Variants in EFCAB5 observed in about 807,000 individuals in gnomAD.
The protein encoded by EFCAB5 is EF-hand calcium binding domain 5.
A neutral mutation model predicts 167.9 loss-of-function variants in EFCAB5; 131 were observed. The ratio of observed to expected loss-of-function variants is 0.78; its 90% confidence interval spans 0.68 to 0.90. The LOEUF (loss-of-function observed/expected upper bound fraction) is 0.90, where lower values mean the gene tolerates loss of function less well. EFCAB5 is among the 40% of genes least tolerant of loss of function. The probability of loss-of-function intolerance (pLI) is 0.00; values close to 1 mark genes in which losing one functional copy is unlikely to be tolerated. For missense variants in EFCAB5, 1,663 were observed against 1,745.2 expected, an observed-to-expected ratio of 0.95 and a Z score of 0.84; for synonymous variants, 574 against 602.8, an observed-to-expected ratio of 0.95 and a Z score of 0.70.
At chr17:29,973,526 C>T (rs2049193672) in intron 4 of EFCAB5, among the ~76,000 whole-genome samples, 1 of 146,688 alleles carries the variant, frequency 6.8e-6, no homozygotes, top group Non-Finnish European at 1.5e-5. Flanking sequence ...GTCACCCAGG[C>T]CGGAGTGCAG....
intron 14 of EFCAB5, among the ~76,000 whole-genome samples, chr17:30,065,411 C>A (rs1240375522): frequency 6.6e-6 from 1 of 152,174 alleles, no homozygotes; most frequent in Non-Finnish European, 1.5e-5. Context: ...TGCCTGTAAT[C>A]CCAGCATTTC....
intron 3 of EFCAB5, among the ~76,000 whole-genome samples, chr17:29,944,241 A>G (rs1411817277): frequency 5.9e-5 from 9 of 151,832 alleles, no homozygotes; most frequent in Admixed American, 1.3e-4. Context: ...TCACCTAGCT[A>G]GTTTTTTATT....
intron 19 of EFCAB5, among the ~76,000 whole-genome samples, chr17:30,089,982 A>C (rs938035577): frequency 1.3e-5 from 2 of 152,152 alleles, no homozygotes; most frequent in African/African-American, 2.4e-5. Context: ...TCTCCAGCGA[A>C]CACTCGCTCA....
intron 7 of EFCAB5, among the ~76,000 whole-genome samples, chr17:30,012,422 T>C (rs1191087889): frequency 6.6e-6 from 1 of 152,144 alleles, no homozygotes; most frequent in East Asian, 1.9e-4. Context: ...AGCAAATTAG[T>C]GAAAGTACTA....
At chr17:29,999,008 C>T (rs2068605016) in intron 6 of EFCAB5, among the ~76,000 whole-genome samples, 1 of 151,690 alleles carries the variant, frequency 6.6e-6, no homozygotes, top group Admixed American at 6.6e-5. Context: ...TGATTTTTTT[C>T]TTCTATTTTT....
intron 3 of EFCAB5, chr17:29,968,462 T>C (rs918476375): frequency 5.6e-6 from 2 of 359,210 alleles, no homozygotes; most frequent in Non-Finnish European, 1.1e-5. Context: ...CTTTGTCCTC[T>C]ATGCTTTTTT....
intron 8 of EFCAB5, among the ~76,000 whole-genome samples, chr17:30,042,630 G>T (rs1326988359): frequency 6.6e-6 from 1 of 152,008 alleles, no homozygotes; most frequent in East Asian, 1.9e-4. Context: ...GTATAAAGAA[G>T]TATAATTAAT....
At chr17:29,988,397 G>A (rs2068335854) in intron 4 of EFCAB5, among the ~76,000 whole-genome samples, 1 of 152,202 alleles carries the variant, frequency 6.6e-6, no homozygotes, top group African/African-American at 2.4e-5. Flanking sequence ...ATTAAAAGCA[G>A]TCAATACCTC....
chr17:30,043,850 C>T (rs936766282), intron 8 of EFCAB5, among the ~76,000 whole-genome samples: 1 of 152,206 alleles, frequency 6.6e-6, no homozygotes, highest in Admixed American at 6.5e-5. Flanking sequence ...TCCCAGTGAA[C>T]TTATTTACAG....
At chr17:29,996,534 G>T (rs560114061) in intron 6 of EFCAB5, among the ~76,000 whole-genome samples, 174 bp downstream of exon 6, 4 of 152,122 alleles carry the variant, frequency 2.6e-5, no homozygotes, top group Non-Finnish European at 5.9e-5. Flanking sequence ...AAAGCAATCT[G>T]TGATTCTCAA....
chr17:29,956,837 G>C (rs1597578892), intron 3 of EFCAB5, among the ~76,000 whole-genome samples: 1 of 151,908 alleles, frequency 6.6e-6, no homozygotes, highest in Non-Finnish European at 1.5e-5. Flanking sequence ...GGGAGGGAGG[G>C]AGAGAGAGAA....
chr17:30,050,813 C>G (rs181758554), intron 8 of EFCAB5, among the ~76,000 whole-genome samples: 4 of 152,262 alleles, frequency 2.6e-5, no homozygotes, highest in African/African-American at 9.6e-5. Flanking sequence ...AAGTGACATA[C>G]TCAGGTCAGG....
chr17:30,078,582 AT>A, intron 15 of EFCAB5, 78 bp downstream of exon 15: 8 of 1,426,110 alleles, frequency 5.6e-6, no homozygotes, highest in Non-Finnish European at 7.4e-6. Flanking sequence ...AAAGAGGAGC[AT>A]CTTGAATTCT....
At chr17:30,102,865 T>A (rs2071399790) in intron 22 of EFCAB5, among the ~76,000 whole-genome samples, 1 of 152,094 alleles carries the variant, frequency 6.6e-6, no homozygotes, top group South Asian at 2.1e-4. Context: ...AAGGTCTCAC[T>A]CTGTCACCCA....
At chr17:29,958,739 T>C (rs2067664616) in intron 3 of EFCAB5, among the ~76,000 whole-genome samples, 1 of 152,210 alleles carries the variant, frequency 6.6e-6, no homozygotes, top group Non-Finnish European at 1.5e-5. Context: ...GTCTTCACAG[T>C]CTGGGCTTGT....
chr17:30,059,291 G>A, intron 13 of EFCAB5: 1 of 285,470 alleles, frequency 3.5e-6, no homozygotes, highest in East Asian at 6.0e-5. Flanking sequence ...TTAAGACTGA[G>A]GTCTCACTGT....
In EFCAB5 at chr17:29,999,994, T is replaced by C; in HGVS notation, c.1044+18T>C. ...TTACAGAAGTAAGAGTTACATTATTTAATGTTTGAATTGAATTATTTTGTC... is the reference window on the plus strand; with the variant it reads ...TTACAGAAGTAAGAGTTACATTATTCAATGTTTGAATTGAATTATTTTGTC... On this transcript the variant is annotated intron_variant, in intron 7 of 22. Coordinates refer to ENST00000394835, the MANE Select transcript of EFCAB5 (RefSeq NM_198529.4). The C allele has an allele frequency of 6.6e-7, 1 of 1,518,364 alleles. No homozygotes were observed. Among genetic ancestry groups the C allele is most frequent in the East Asian group, 2.4e-5 (1 of 41,484 alleles). 94.1% of individuals were successfully genotyped at this position (1,518,364 alleles called of 1,614,324 possible).
intron 4 of EFCAB5, among the ~76,000 whole-genome samples, chr17:29,988,176 T>C (rs1299892253): frequency 2.0e-5 from 3 of 152,194 alleles, no homozygotes; most frequent in Non-Finnish European, 2.9e-5. Context: ...TGATCAGCCA[T>C]TTGATTCCCT....
Position 29,941,659 on chromosome 17 carries a change from G to A in EFCAB5, c.-138G>A, listed in dbSNP as rs1267102416. ...ATCATTCAATAGAATTGTGGGGTGAGGTGAGGGCAGGAGTGAGGGAGCTTT... is the reference window on the plus strand; with the variant it reads ...ATCATTCAATAGAATTGTGGGGTGAAGTGAGGGCAGGAGTGAGGGAGCTTT... On this transcript the variant is annotated 5_prime_UTR_variant, in exon 1 of 23. Coordinates refer to ENST00000394835, the MANE Select transcript of EFCAB5 (RefSeq NM_198529.4). The A allele has an allele frequency of 1.6e-6, 1 of 635,946 alleles. No individual in the cohort carries two copies. Among genetic ancestry groups the A allele is most frequent in the Non-Finnish European group, 2.7e-6 (1 of 371,342 alleles). The allele number at this position is 635,946 out of a possible 1,614,324, so 39.4% of individuals were successfully genotyped here.
Sources: allele counts gnomAD v4.1 joint callset (sites outside exome capture counted in the v4.1 genomes callset), GRCh38; gene constraint gnomAD v4.1.1; transcripts MANE v1.5; gene names NCBI Gene and HGNC (gene_info 2026-07-23, HGNC 2026-07-21).